Variants in RAB3GAP1 observed in about 807,000 individuals in gnomAD.
RAB3GAP1 encodes the protein rab3 GTPase-activating protein catalytic subunit.
Under a neutral mutation model 130.7 loss-of-function variants are expected in RAB3GAP1, and 86 were observed. The observed-to-expected ratio is 0.66, with a 90% CI of 0.55 to 0.79. RAB3GAP1 has a LOEUF of 0.79. Among genes scored for constraint, RAB3GAP1 ranks in the 30% least tolerant of loss-of-function variants. The probability of loss-of-function intolerance (pLI) is 0.00; values close to 1 mark genes in which losing one functional copy is unlikely to be tolerated. For synonymous variants in RAB3GAP1, 367 were observed against 401.7 expected (o/e 0.91, Z 1.03); for missense variants, 1,029 against 1,169.4 (o/e 0.88, Z 1.75).
In RAB3GAP1 at chr2:135,135,684, G is replaced by A. The variant is rs140578891; in HGVS notation, c.1675G>A (p.Asp559Asn). Residue 559 changes from aspartate (D) to asparagine (N), a missense_variant, in exon 17 of 24, where the codon GAT becomes AAT. Asp to Asn is a conservative substitution (Grantham distance 23). Coordinates refer to ENST00000264158, the MANE Select transcript of RAB3GAP1 (RefSeq NM_012233.3). Reference sequence around the variant, plus strand: ...AAAAGCAGGAGACCAGTTGGTGCCAGATAATCTAAAAGAAACAGATAAGGA... The same window carrying A: ...AAAAGCAGGAGACCAGTTGGTGCCAAATAATCTAAAAGAAACAGATAAGGA... ...AGKAGDQLVP[D>N]NLKETDKEKG... 6.2e-7 allele frequency: 1 copy of A among 1,614,114 alleles called. No homozygotes were observed. Among genetic ancestry groups the A allele is most frequent in the South Asian group, 1.1e-5 (1 of 91,084 alleles).
chr2:135,073,275 G>C (rs1451266325), intron 3 of RAB3GAP1, among the ~76,000 whole-genome samples: 3 of 152,208 alleles, frequency 2.0e-5, no homozygotes, highest in African/African-American at 4.8e-5. Context: ...ATTTGGAAGA[G>C]TGTTGCTCAG....
intron 23 of RAB3GAP1, 61 bp downstream of exon 23, chr2:135,164,757 C>G: frequency 2.2e-6 from 3 of 1,349,906 alleles, no homozygotes; most frequent in Non-Finnish European, 3.1e-6. Context: ...TGGGAAGAGG[C>G]TGTTTTAGTT....
intron 13 of RAB3GAP1, 139 bp from the exon 14 acceptor site, chr2:135,132,756 T>C (rs1691583937): frequency 1.6e-6 from 1 of 627,634 alleles, no homozygotes. Flanking sequence ...TAGAACAAAC[T>C]GGCCAATACA....
chr2:135,130,010 A>G lies in RAB3GAP1; in HGVS notation c.989A>G (p.Glu330Gly), dbSNP rs748553488. 2 of 1,611,628 alleles carry G rather than the reference A, an allele frequency of 1.2e-6. No individual in the cohort carries two copies. Among genetic ancestry groups the G allele is most frequent in the South Asian group, 1.1e-5 (1 of 90,596 alleles). ...PQCLLGDFVT[E>G]FFKICRRKES... ...TCCTACATAGGTGATTTTGTCACTG[A>G]ATTTTTTAAAATTTGCCGTCGAAAG... Residue 330 changes from glutamate to glycine, a missense_variant, in exon 12 of 24, where the codon GAA becomes GGA. Glu to Gly is a moderately conservative substitution (Grantham distance 98, BLOSUM62 -2). Coordinates refer to ENST00000264158, the MANE Select transcript of RAB3GAP1 (RefSeq NM_012233.3).
chr2:135,074,613 G>C (rs1267116823), intron 3 of RAB3GAP1, among the ~76,000 whole-genome samples: 1 of 152,168 alleles, frequency 6.6e-6, no homozygotes, highest in African/African-American at 2.4e-5. Context: ...AGGGAAGGGA[G>C]ACAGTAAGAG....
At chr2:135,172,704 A>C (rs1692890332), downstream of RAB3GAP1, among the ~76,000 whole-genome samples, 1 of 152,220 alleles carries the variant, frequency 6.6e-6, no homozygotes, top group Non-Finnish European at 1.5e-5. Context: ...ACGATGGAGA[A>C]GACAGGGAAG....
At chr2:135,172,308 G>A (rs1179024003), downstream of RAB3GAP1, among the ~76,000 whole-genome samples, 1 of 151,528 alleles carries the variant, frequency 6.6e-6, no homozygotes, top group African/African-American at 2.4e-5. Flanking sequence ...GGTGGTGCAC[G>A]CCTGTAGTCC....
intron 17 of RAB3GAP1, among the ~76,000 whole-genome samples, chr2:135,138,610 ATT>A (rs755626552): frequency 1.1e-4 from 16 of 141,696 alleles, no homozygotes; most frequent in Non-Finnish European, 1.2e-4. Context: ...GGTTTTATGG[ATT>A]TTTTTTTTTT....
chr2:135,111,819 A>G (rs1188981071), intron 5 of RAB3GAP1, among the ~76,000 whole-genome samples: 5 of 152,152 alleles, frequency 3.3e-5, no homozygotes, highest in Non-Finnish European at 7.3e-5. Flanking sequence ...TGCACATTAT[A>G]GTTTACTTAG....
chr2:135,073,204 A>C (rs1574084109), intron 3 of RAB3GAP1, among the ~76,000 whole-genome samples: 1 of 152,230 alleles, frequency 6.6e-6, no homozygotes, highest in African/African-American at 2.4e-5. Flanking sequence ...AATATAAAGC[A>C]GTGTGATTTT....
chr2:135,165,865 T>C (rs1558807627), intron 23 of RAB3GAP1, among the ~76,000 whole-genome samples: 1 of 152,200 alleles, frequency 6.6e-6, no homozygotes. Flanking sequence ...AAAAATTCTT[T>C]CCTCTTTGAT....
intron 3 of RAB3GAP1, among the ~76,000 whole-genome samples, chr2:135,086,054 T>A (rs1456970776): frequency 6.6e-6 from 1 of 152,194 alleles, no homozygotes; most frequent in Non-Finnish European, 1.5e-5. Flanking sequence ...CTGAACATGA[T>A]GTTTTAAAAA....
chr2:135,164,496 C>A, intron 22 of RAB3GAP1, 98 bp from the exon 23 acceptor site: 1 of 883,734 alleles, frequency 1.1e-6, no homozygotes, highest in Non-Finnish European at 1.9e-6. Context: ...CCAGTATCAG[C>A]TTGAGGATTT....
intron 3 of RAB3GAP1, among the ~76,000 whole-genome samples, chr2:135,084,589 TG>T (rs1375553287): frequency 6.6e-6 from 1 of 152,216 alleles, no homozygotes; most frequent in Non-Finnish European, 1.5e-5. Flanking sequence ...TATTTCAGCT[TG>T]TTAGATCACA....
At chr2:135,073,817 G>A (rs1340943919) in intron 3 of RAB3GAP1, among the ~76,000 whole-genome samples, 2 of 152,172 alleles carry the variant, frequency 1.3e-5, no homozygotes, top group Non-Finnish European at 2.9e-5. Context: ...TTATCCCAGT[G>A]CTTTAAAATG....
At chr2:135,053,592 G>A (rs1401915812) in intron 2 of RAB3GAP1, among the ~76,000 whole-genome samples, 1 of 152,152 alleles carries the variant, frequency 6.6e-6, no homozygotes, top group Non-Finnish European at 1.5e-5. Context: ...TCATTAGGTG[G>A]CACAGGAAAA....
intron 5 of RAB3GAP1, among the ~76,000 whole-genome samples, chr2:135,108,662 G>A (rs1343383115): frequency 6.6e-6 from 1 of 151,964 alleles, no homozygotes; most frequent in Non-Finnish European, 1.5e-5. Flanking sequence ...TCTTGACAGT[G>A]TCTTTTGCAG....
intron 17 of RAB3GAP1, among the ~76,000 whole-genome samples, chr2:135,140,905 C>T (rs1042741348): frequency 6.6e-6 from 1 of 152,186 alleles, no homozygotes; most frequent in Non-Finnish European, 1.5e-5. Flanking sequence ...TTCAAGCAGG[C>T]CTTTCTAAGA....
In RAB3GAP1 at chr2:135,168,659, C is replaced by G; in HGVS notation, c.2824C>G (p.Arg942Gly). 1 of 1,614,196 alleles carries G rather than the reference C, an allele frequency of 6.2e-7. No individual in the cohort carries two copies. Among genetic ancestry groups the G allele is most frequent in the Non-Finnish European group, 8.5e-7 (1 of 1,180,030 alleles). ...CCCTGCTGGCCGGGAATTCATTTTG[C>G]GCACCACTGTGCCGCGCCCTGCTCC... ...PPPAGREFIL[R>G]TTVPRPAPYS... The change falls in exon 24 of 24, where the codon CGC (arginine) becomes GGC (glycine). Residue 942 changes from arginine to glycine, a missense_variant. Coordinates refer to ENST00000264158, the MANE Select transcript of RAB3GAP1 (RefSeq NM_012233.3).
Sources: gnomAD v4.1 joint callset for allele counts (sites outside exome capture counted in the v4.1 genomes callset) on GRCh38, gnomAD v4.1.1 for gene constraint, MANE v1.5 for transcripts, NCBI Gene and HGNC (gene_info 2026-07-23, HGNC 2026-07-21) for gene names.